Variants in CADM2 observed in about 807,000 individuals in gnomAD.
CADM2 encodes cell adhesion molecule 2, also known as immunoglobulin superfamily member 4D.
In CADM2, 12 loss-of-function variants were observed where a neutral mutation model predicts 49.8. The ratio of observed to expected loss-of-function variants is 0.24; its 90% confidence interval spans 0.15 to 0.39. CADM2 has a LOEUF of 0.39. Ranked by LOEUF, CADM2 falls within the 10% of genes least tolerant of loss-of-function variation. CADM2 has a pLI of 1.00. For synonymous variants in CADM2, 214 were observed against 175.4 expected, an observed-to-expected ratio of 1.22 and a Z score of -1.74; for missense variants, 378 against 492.3, an observed-to-expected ratio of 0.77 and a Z score of 2.20.
chr3:85,205,457 AT>A (rs2041609544), intron 1 of CADM2, among the ~76,000 whole-genome samples: 2 of 152,232 alleles, frequency 1.3e-5, no homozygotes, highest in South Asian at 4.1e-4. Context: ...ATTCTTTTAG[AT>A]TTTTCTCCTG....
chr3:85,101,383 A>G (rs568539234), intron 1 of CADM2, among the ~76,000 whole-genome samples: 34 of 152,118 alleles, frequency 2.2e-4, no homozygotes, highest in Non-Finnish European at 4.1e-4. Context: ...GTAATACCAC[A>G]TTGCCTTGTT....
intron 1 of CADM2, among the ~76,000 whole-genome samples, chr3:84,997,715 AC>A: frequency 6.6e-6 from 1 of 152,070 alleles, no homozygotes; most frequent in Non-Finnish European, 1.5e-5. Context: ...TATCAAAAAA[AC>A]TCCACAAATT....
In CADM2 at chr3:85,359,666, AT is replaced by A. The variant is rs869151718; in HGVS notation, c.62-366845del. Among the ~76,000 whole-genome samples, 238 of 26,534 alleles carry A rather than the reference AT, an allele frequency of 9.0e-3. 2 individuals carry two copies. The highest frequency in any genetic ancestry group is 0.025 in the African/African-American group (233 of 9,370). The allele number at this position is 26,534 out of a possible 152,430, so 17.4% of individuals were successfully genotyped here. A position where few individuals can be genotyped will look rare whatever the true frequency, so the allele number is the denominator to read the frequency against. On this transcript the variant is annotated intron_variant, in intron 1 of 9. Transcript: ENST00000383699. ...TATATATATATATATATATATATATATTTTTTTTTTTGGTGGAGGGGAGAAG... is the reference window on the plus strand; with the variant it reads ...TATATATATATATATATATATATATATTTTTTTTTTGGTGGAGGGGAGAAG...
At chr3:85,265,147 C>A (rs934965030) in intron 1 of CADM2, among the ~76,000 whole-genome samples, 2 of 151,892 alleles carry the variant, frequency 1.3e-5, no homozygotes. Flanking sequence ...AATACAGAAT[C>A]CACATTAACT....
chr3:85,648,689 C>T (rs2064960615), intron 1 of CADM2, among the ~76,000 whole-genome samples: 1 of 151,936 alleles, frequency 6.6e-6, no homozygotes, highest in Non-Finnish European at 1.5e-5. Flanking sequence ...AAGAAGAAAT[C>T]CAATAATTAC....
At chr3:85,242,259 G>A (rs1051794660) in intron 1 of CADM2, among the ~76,000 whole-genome samples, 10 of 150,734 alleles carry the variant, frequency 6.6e-5, no homozygotes, top group Non-Finnish European at 1.2e-4. Context: ...TAAGTTTAAT[G>A]CATTTAGTTT....
intron 8 of CADM2, among the ~76,000 whole-genome samples, chr3:86,010,955 TAA>T (rs1309004602): frequency 4.0e-5 from 6 of 151,520 alleles, no homozygotes; most frequent in East Asian, 3.9e-4. Context: ...TCTAAAAATA[TAA>T]GTTATAAAAA....
chr3:85,994,915 C>T (rs1052297441), intron 8 of CADM2, among the ~76,000 whole-genome samples: 3 of 149,214 alleles, frequency 2.0e-5, no homozygotes, highest in Non-Finnish European at 4.4e-5. Context: ...TTGTCAAAAT[C>T]CCCAAAATGT....
At chr3:85,192,200 C>G (rs1469492314) in intron 1 of CADM2, among the ~76,000 whole-genome samples, 2 of 151,828 alleles carry the variant, frequency 1.3e-5, no homozygotes, top group African/African-American at 4.8e-5. Flanking sequence ...TTAGGACACA[C>G]AAAATTTAAT....
At chr3:85,330,592 T>A (rs2044890131) in intron 1 of CADM2, among the ~76,000 whole-genome samples, 1 of 152,104 alleles carries the variant, frequency 6.6e-6, no homozygotes, top group Admixed American at 6.6e-5. Flanking sequence ...TAGAAAAATT[T>A]ATCTGAATTT....
At chr3:85,191,693 G>A (rs1196398589) in intron 1 of CADM2, among the ~76,000 whole-genome samples, 2 of 152,074 alleles carry the variant, frequency 1.3e-5, no homozygotes, top group South Asian at 2.1e-4. Flanking sequence ...CATAAACAAA[G>A]GAATAAGTGA....
At chr3:85,558,934 A>G (rs1195392728) in intron 1 of CADM2, among the ~76,000 whole-genome samples, 6 of 152,104 alleles carry the variant, frequency 3.9e-5, no homozygotes, top group Admixed American at 1.3e-4. Flanking sequence ...TTCTTCAAAC[A>G]GACAGCAAGC....
intron 6 of CADM2, among the ~76,000 whole-genome samples, chr3:85,924,175 T>C (rs1719519738): frequency 6.6e-6 from 1 of 152,174 alleles, no homozygotes; most frequent in Admixed American, 6.5e-5. Context: ...AATTAAATTG[T>C]TTCTTTTTTT....
At chr3:85,429,917 T>A (rs1244108775) in intron 1 of CADM2, among the ~76,000 whole-genome samples, 1 of 152,162 alleles carries the variant, frequency 6.6e-6, no homozygotes. Flanking sequence ...CCTAAAATAC[T>A]ATCTGGCTCC....
In CADM2 at chr3:86,074,353, A is replaced by G. The variant is rs1020204314; in HGVS notation, c.*7570A>G. On this transcript the variant is annotated 3_prime_UTR_variant, in exon 10 of 10. Coordinates refer to ENST00000383699, the MANE Select transcript of CADM2 (RefSeq NM_001167675.2). ...CAGGGTAAGCCAAAGGCTGTACAAG[A>G]TTTAGTGTCATTGGGTCTCATATTT... 2 of 152,020 alleles carry G rather than the reference A, an allele frequency of 1.3e-5. No homozygotes were observed. The highest frequency in any genetic ancestry group is 2.4e-5 in the African/African-American group (1 of 41,448). 9.4% of individuals were successfully genotyped at this position (152,020 alleles called of 1,614,324 possible).
chr3:85,126,298 C>G (rs1269641431), intron 1 of CADM2, among the ~76,000 whole-genome samples: 1 of 151,928 alleles, frequency 6.6e-6, no homozygotes, highest in Non-Finnish European at 1.5e-5. Context: ...AGGCTCTGTT[C>G]TAGGAGCAGG....
rs145191694 is a variant in CADM2 at position 85,248,518 on chromosome 3, C to T, written c.61+288850C>T. On this transcript the variant is annotated intron_variant, in intron 1 of 9. Transcript: ENST00000383699. Reference sequence around the variant, plus strand: ...CTTGAACTCCTGAGATCAGGCAATACGCCAACCTTGGCTTCCCAATTTGCT... The same window carrying T: ...CTTGAACTCCTGAGATCAGGCAATATGCCAACCTTGGCTTCCCAATTTGCT... 6.8e-3 allele frequency among the ~76,000 whole-genome samples: 1,041 copies of T among 152,264 alleles called. 8 individuals are homozygous for T. The highest frequency in any genetic ancestry group is 0.017 in the Middle Eastern group (5 of 294).
At position 86,068,647 on chromosome 3, in the gene CADM2, T is replaced by G. The variant is rs1739578913; in HGVS notation, c.*1864T>G. ...AATGTTAGAATTTTAAAGTTTTTTT[T>G]TGATTGTTGAAGCATTTATCTTGTT... On this transcript the variant is annotated 3_prime_UTR_variant, in exon 10 of 10. Transcript: ENST00000383699. 1 of 152,382 alleles carries G rather than the reference T, an allele frequency of 6.6e-6. No homozygotes were observed. The allele number at this position is 152,382 out of a possible 1,614,324, so 9.4% of individuals were successfully genotyped here. A position where few individuals can be genotyped will look rare whatever the true frequency, so the allele number is the denominator to read the frequency against.
chr3:85,772,008 C>CTTTTT (rs397938377), intron 2 of CADM2, among the ~76,000 whole-genome samples: 114 of 112,106 alleles, frequency 1.0e-3, no homozygotes, highest in African/African-American at 3.0e-3. Context: ...TTCTTTCTTT[C>CTTTTT]TTTTTTTTTT....
Sources: allele counts gnomAD v4.1 joint callset (sites outside exome capture counted in the v4.1 genomes callset), GRCh38; gene constraint gnomAD v4.1.1; transcripts MANE v1.5; gene names NCBI Gene and HGNC (gene_info 2026-07-23, HGNC 2026-07-21).